HNRNPL: variants seen among roughly 807,000 people sequenced by gnomAD.
HNRNPL encodes heterogeneous nuclear ribonucleoprotein L.
Under a neutral mutation model 64.0 loss-of-function variants are expected in HNRNPL, and 12 were observed. The ratio of observed to expected loss-of-function variants is 0.19; its 90% confidence interval spans 0.12 to 0.30. The LOEUF is 0.30. Ranked by LOEUF, HNRNPL falls within the 10% of genes least tolerant of loss-of-function variation. The pLI, the probability that HNRNPL is intolerant of heterozygous loss-of-function variation, is 1.00. For missense variants in HNRNPL, 484 were observed against 797.4 expected, an observed-to-expected ratio of 0.61 and a Z score of 4.73; for synonymous variants, 385 against 313.0, an observed-to-expected ratio of 1.23 and a Z score of -2.43.
intron 6 of HNRNPL, chr19:38,841,138 G>C: frequency 4.5e-6 from 1 of 220,230 alleles, no homozygotes; most frequent in South Asian, 6.0e-5. Flanking sequence ...AGCAGAATCA[G>C]TTCAAATAAG....
chr19:38,838,112 G>C (rs2145407102), intron 10 of HNRNPL, among the ~76,000 whole-genome samples: 1 of 152,366 alleles, frequency 6.6e-6, no homozygotes, highest in East Asian at 1.9e-4. Context: ...CACTGGGCCT[G>C]TGAAGCAGCT....
upstream of HNRNPL, chr19:38,852,326 C>G (rs1342101971): frequency 2.6e-5 from 4 of 152,138 alleles, no homozygotes; most frequent in Non-Finnish European, 4.4e-5. Context: ...CCGGCCGTCC[C>G]GGATCGAAAA....
chr19:38,837,567 G>A, intron 11 of HNRNPL, 27 bp downstream of exon 11: 2 of 1,613,550 alleles, frequency 1.2e-6, no homozygotes, highest in Non-Finnish European at 1.7e-6. Flanking sequence ...TGCAATTAGG[G>A]CAAGGAGGTG....
rs1219766737 is a variant in HNRNPL, at chr19:38,836,564, T to C, written c.*158A>G. ...CCCCTGCAGATTTCCAGCGTTTCCA[T>C]TAAGGTTAAGTAAGCCTCTACAAAC... On this transcript the variant is annotated 3_prime_UTR_variant, in exon 13 of 13. Transcript: ENST00000221419. The C allele has an allele frequency of 2.1e-6, 1 of 473,824 alleles. No homozygotes were observed. The highest frequency in any genetic ancestry group is 3.6e-6 in the Non-Finnish European group (1 of 274,972). The allele number at this position is 473,824 out of a possible 1,614,324, so 29.4% of individuals were successfully genotyped here.
upstream of HNRNPL, among the ~76,000 whole-genome samples, chr19:38,850,571 G>T (rs561208384): frequency 2.0e-4 from 30 of 152,192 alleles, no homozygotes; most frequent in Non-Finnish European, 3.8e-4. Context: ...GGCGCTCTTT[G>T]GTGCAGTATA....
Position 38,845,652 on chromosome 19 carries a change from C to T in HNRNPL, c.708G>A (p.Val236=). ...IFRKNGVQAM[V]EFDSVQSAQR... The stretch of plus-strand genomic sequence containing the variant: ...ACCTGTTTTCCAGCAAAGGATATTC[C>T]ACCATCGCCTGAACTCCATTCTTCC... The change falls in exon 4 of 13, where the codon GTG becomes GTA. Residue 236 remains valine (V), a splice_region_variant and synonymous_variant. Coordinates refer to ENST00000221419, the MANE Select transcript of HNRNPL (RefSeq NM_001533.3). 1 of 1,611,386 alleles carries T rather than the reference C, an allele frequency of 6.2e-7. No homozygotes were observed. The highest frequency in any genetic ancestry group is 1.1e-5 in the South Asian group (1 of 91,024).
chr19:38,848,009 T>C (rs1972358766), intron 1 of HNRNPL, among the ~76,000 whole-genome samples: 1 of 152,162 alleles, frequency 6.6e-6, no homozygotes, highest in Non-Finnish European at 1.5e-5. Context: ...CTTGACCCCT[T>C]CTAGTCTTGA....
rs775816084 is a variant in HNRNPL at position 38,838,365 on chromosome 19, C to T, written c.1557+32G>A. 7.0e-6 allele frequency: 11 copies of T among 1,580,212 alleles called. No homozygotes were observed. The Admixed American group carries it at 1.9e-4, about 27-fold the overall frequency. On this transcript the variant is annotated intron_variant, in intron 10 of 12. Transcript: ENST00000221419. The stretch of plus-strand genomic sequence containing the variant: ...CCTACTCAGACGGCCGTGGCAAGGA[C>T]CCGACTGCCTGCGCAGCTCCACGGC...
chr19:38,839,178 C>A, intron 8 of HNRNPL, 163 bp from the exon 9 acceptor site: 1 of 791,060 alleles, frequency 1.3e-6, no homozygotes, highest in Non-Finnish European at 2.0e-6. Flanking sequence ...AGTGCTCAAC[C>A]CATAGTGAGA....
intron 6 of HNRNPL, chr19:38,841,405 A>G (rs1972114201): frequency 5.6e-6 from 2 of 358,544 alleles, no homozygotes; most frequent in East Asian, 7.3e-5. Flanking sequence ...ACTTTGGCCC[A>G]AAGTCACAAA....
chr19:38,840,637 C>G, intron 6 of HNRNPL, 78 bp from the exon 7 acceptor site: 1 of 1,185,540 alleles, frequency 8.4e-7, no homozygotes, highest in Non-Finnish European at 1.2e-6. Flanking sequence ...ACAGGCTGAT[C>G]TGAGCCCCCA....
chr19:38,838,053 G>A (rs932695646), intron 10 of HNRNPL, among the ~76,000 whole-genome samples: 3 of 152,254 alleles, frequency 2.0e-5, no homozygotes, highest in Admixed American at 6.5e-5. Context: ...TCAGGGTGAT[G>A]GCACCCGAAG....
chr19:38,849,528 G>A (rs1409792323), intron 1 of HNRNPL, among the ~76,000 whole-genome samples, 172 bp downstream of exon 1: 2 of 152,084 alleles, frequency 1.3e-5, no homozygotes, highest in African/African-American at 2.4e-5. Context: ...GCAGGCGCCT[G>A]TCCTCGCGCA....
chr19:38,848,459 G>C (rs1053169995), intron 1 of HNRNPL, among the ~76,000 whole-genome samples: 3 of 152,190 alleles, frequency 2.0e-5, no homozygotes, highest in Admixed American at 1.3e-4. Flanking sequence ...TCCTTCCTAA[G>C]AGAAGTATCT....
At chr19:38,851,788 A>T (rs1972509206), upstream of HNRNPL, among the ~76,000 whole-genome samples, 1 of 152,154 alleles carries the variant, frequency 6.6e-6, no homozygotes, top group South Asian at 2.1e-4. Context: ...ATGGCAATAC[A>T]AGAGGGGACA....
At position 38,838,466 on chromosome 19, in the gene HNRNPL, G is replaced by T. The variant is rs374808806; in HGVS notation, c.1488C>A (p.Ile496=). 26 of 1,614,020 alleles carry T rather than the reference G, an allele frequency of 1.6e-5. No individual in the cohort carries two copies. Among genetic ancestry groups the T allele is most frequent in the African/African-American group, 5.3e-5 (4 of 74,920 alleles). ...AGTGCAGCACGTTGCTGGGGTGCTGGATGCGGTTCTTGGCTGCCTGCTCTG... is the reference window on the plus strand; with the variant it reads ...AGTGCAGCACGTTGCTGGGGTGCTGTATGCGGTTCTTGGCTGCCTGCTCTG... ...STPEQAAKNR[I]QHPSNVLHFF... is the part of the protein sequence containing the mutation. Residue 496 remains isoleucine (I), a synonymous_variant, in exon 10 of 13, where the codon ATC becomes ATA. Coordinates refer to ENST00000221419, the MANE Select transcript of HNRNPL (RefSeq NM_001533.3).
upstream of HNRNPL, chr19:38,850,252 G>A (rs141478756): frequency 1.5e-3 from 539 of 363,858 alleles, no homozygotes; most frequent in Middle Eastern, 4.3e-3. Flanking sequence ...TGGCGCTGCT[G>A]GCCTCCCTAA....
intron 6 of HNRNPL, 50 bp downstream of exon 6, chr19:38,843,792 G>C (rs759329224): frequency 4.8e-6 from 7 of 1,462,238 alleles, no homozygotes; most frequent in East Asian, 2.3e-5. Flanking sequence ...TGCACTAGTC[G>C]AGTGAAAGCA....
chr19:38,840,762 C>G (rs2145415756), intron 6 of HNRNPL: 1 of 589,160 alleles, frequency 1.7e-6, no homozygotes, highest in South Asian at 2.2e-5. Flanking sequence ...CTCTCCTTCC[C>G]CTGCTCATAC....
Sources: gnomAD v4.1 joint callset for allele counts (sites outside exome capture counted in the v4.1 genomes callset) on GRCh38, gnomAD v4.1.1 for gene constraint, MANE v1.5 for transcripts, NCBI Gene and HGNC (gene_info 2026-07-23, HGNC 2026-07-21) for gene names.